The following CACNA1D variants were observed in gnomAD, a reference collection of about 807,000 sequenced individuals.
The protein encoded by CACNA1D is calcium voltage-gated channel subunit alpha1 D.
In CACNA1D, 55 loss-of-function variants were observed where a neutral mutation model predicts 257.1. That is an observed-to-expected ratio of 0.21 (90% CI 0.17 to 0.27). The LOEUF (loss-of-function observed/expected upper bound fraction) is 0.27, where lower values mean the gene tolerates loss of function less well. Ranked by LOEUF, CACNA1D falls within the 10% of genes least tolerant of loss-of-function variation. The pLI is 1.00. For missense variants in CACNA1D, 1,876 were observed against 2,784.0 expected, an observed-to-expected ratio of 0.67 and a Z score of 7.34; for synonymous variants, 980 against 1,014.9, an observed-to-expected ratio of 0.97 and a Z score of 0.65.
intron 14 of CACNA1D, among the ~76,000 whole-genome samples, chr3:53,725,738 G>A (rs1033724447): frequency 6.6e-6 from 1 of 152,176 alleles, no homozygotes; most frequent in Non-Finnish European, 1.5e-5. Flanking sequence ...TGCCTTTTCT[G>A]TGAATTACTT....
chr3:53,536,584 C>A (rs533235090), intron 3 of CACNA1D, among the ~76,000 whole-genome samples: 2 of 152,240 alleles, frequency 1.3e-5, no homozygotes, highest in African/African-American at 4.8e-5. Flanking sequence ...ACACGGCCCC[C>A]GGGCCAACAC....
intron 29 of CACNA1D, among the ~76,000 whole-genome samples, chr3:53,759,221 C>T (rs1365300571): frequency 6.6e-6 from 1 of 152,204 alleles, no homozygotes; most frequent in Non-Finnish European, 1.5e-5. Flanking sequence ...TATTAAGCCC[C>T]TATTGTGTTG....
chr3:53,724,334 C>T (rs1244066955), intron 14 of CACNA1D, among the ~76,000 whole-genome samples: 1 of 152,160 alleles, frequency 6.6e-6, no homozygotes, highest in African/African-American at 2.4e-5. Flanking sequence ...ATTCTTTTCT[C>T]TTTGGTACTT....
chr3:53,579,781 C>T (rs139707111), intron 3 of CACNA1D, among the ~76,000 whole-genome samples: 188 of 152,298 alleles, frequency 1.2e-3, no homozygotes, highest in African/African-American at 4.0e-3. Flanking sequence ...GTGATCCCCT[C>T]CTACTGTGCA....
At chr3:53,528,574 C>G (rs956546997) in intron 3 of CACNA1D, among the ~76,000 whole-genome samples, 35 of 152,038 alleles carry the variant, frequency 2.3e-4, no homozygotes, top group Non-Finnish European at 4.7e-4. Flanking sequence ...ATAAAACAGC[C>G]TTCTGGGGTT....
At chr3:53,538,241 C>T (rs1041502050) in intron 3 of CACNA1D, among the ~76,000 whole-genome samples, 7 of 148,558 alleles carry the variant, frequency 4.7e-5, no homozygotes, top group African/African-American at 1.8e-4. Flanking sequence ...TCTGCCTCCA[C>T]AGTTCAAGCG....
intron 4 of CACNA1D, among the ~76,000 whole-genome samples, chr3:53,655,301 A>T (rs974142853): frequency 3.9e-5 from 6 of 152,180 alleles, no homozygotes; most frequent in Admixed American, 1.3e-4. Flanking sequence ...TCTTTATGGT[A>T]GAATGGTTTA....
At chr3:53,734,398 T>A (rs1459501239) in intron 19 of CACNA1D, among the ~76,000 whole-genome samples, 1 of 152,056 alleles carries the variant, frequency 6.6e-6, no homozygotes, top group African/African-American at 2.4e-5. Flanking sequence ...ACACATATAC[T>A]TTACAATTTA....
chr3:53,511,646 A>G lies in CACNA1D; in HGVS notation c.483+9926A>G, dbSNP rs115369843. On this transcript the variant is annotated intron_variant, in intron 3 of 47. Coordinates refer to ENST00000350061, the MANE Select transcript of CACNA1D (RefSeq NM_001128840.3). ...AAATGGAAGTACTTCTCATTTCTAT[A>G]AAAACGCTGCTTTTTGATTATATAA... is the stretch of plus-strand genomic sequence containing the variant. 4.6e-3 allele frequency among the ~76,000 whole-genome samples: 707 copies of G among 152,336 alleles called. 10 individuals carry two copies. Among genetic ancestry groups the G allele is most frequent in the African/African-American group, 0.016 (666 of 41,566 alleles).
chr3:53,526,412 G>A (rs2091767602), intron 3 of CACNA1D, among the ~76,000 whole-genome samples: 1 of 151,944 alleles, frequency 6.6e-6, no homozygotes, highest in Admixed American at 6.6e-5. Context: ...TCCAGTATGA[G>A]TACAGCATCT....
intron 9 of CACNA1D, among the ~76,000 whole-genome samples, chr3:53,716,561 A>T (rs1250360719): frequency 2.3e-5 from 3 of 132,132 alleles, no homozygotes; most frequent in Non-Finnish European, 3.2e-5. Flanking sequence ...TTAGAGTCGT[A>T]TTTTTTGTTT....
In CACNA1D at chr3:53,751,945, A is replaced by G. The variant is rs1292300640; in HGVS notation, c.3675+38A>G. On this transcript the variant is annotated intron_variant, in intron 28 of 47. Coordinates refer to ENST00000350061, the MANE Select transcript of CACNA1D (RefSeq NM_001128840.3). This position sits in a 1 kb window ranked among gnomAD's most constrained non-coding sequence, Gnocchi z 4.3. ...ACAGCCGTGGGGATCAGGTCCGGGC[A>G]TTCCGCACAGCCCCGTGCCCCAAAT... The G allele has an allele frequency of 8.7e-6, 14 of 1,603,700 alleles. No individual in the cohort carries two copies. Among genetic ancestry groups the G allele is most frequent in the Admixed American group, 1.7e-5 (1 of 60,008 alleles).
rs542956262 is a variant in CACNA1D at position 53,803,408 on chromosome 3, C to G, written c.5436-15C>G. The G allele has an allele frequency of 9.3e-6, 15 of 1,614,130 alleles. No homozygotes were observed. Among genetic ancestry groups the G allele is most frequent in the Non-Finnish European group, 1.3e-5 (15 of 1,179,992 alleles). On this transcript the variant is annotated splice_polypyrimidine_tract_variant and intron_variant, in intron 43 of 47. Transcript: ENST00000350061. ...CCGCCTGCCCAGGTTCTCAGATCCT[C>G]TCTCCCAACTGCAGGTCCGACTCAG...
chr3:53,651,668 T>TCTTTGGAC (rs1427625588), intron 4 of CACNA1D, among the ~76,000 whole-genome samples: 10 of 152,210 alleles, frequency 6.6e-5, no homozygotes, highest in Admixed American at 6.5e-4. Context: ...GAATGCTGGG[T>TCTTTGGAC]CTTTGGACCA....
intron 3 of CACNA1D, among the ~76,000 whole-genome samples, chr3:53,563,350 C>T (rs1197364809): frequency 6.6e-6 from 1 of 151,988 alleles, no homozygotes; most frequent in African/African-American, 2.4e-5. Context: ...ATGATGAAAC[C>T]CCATCTCTAC....
chr3:53,728,395 TC>T (rs1007496054), intron 15 of CACNA1D, among the ~76,000 whole-genome samples: 3 of 152,158 alleles, frequency 2.0e-5, no homozygotes, highest in African/African-American at 7.2e-5. Context: ...CGCCTTGGCC[TC>T]CCAAAGTGCT....
At chr3:53,735,161 G>T (rs774452036) in intron 19 of CACNA1D, among the ~76,000 whole-genome samples, 4 of 152,218 alleles carry the variant, frequency 2.6e-5, no homozygotes, top group Admixed American at 6.5e-5. Context: ...CCAGCACAGA[G>T]GTGACACACC....
At chr3:53,740,778 CAT>C (rs2095109893) in intron 21 of CACNA1D, among the ~76,000 whole-genome samples, 1 of 152,128 alleles carries the variant, frequency 6.6e-6, no homozygotes, top group Non-Finnish European at 1.5e-5. Flanking sequence ...ACTGATAACA[CAT>C]ATATCTCTAT....
intron 20 of CACNA1D, among the ~76,000 whole-genome samples, chr3:53,739,099 G>C (rs113693612): frequency 1.6e-4 from 24 of 152,290 alleles, no homozygotes; most frequent in Admixed American, 1.1e-3. Context: ...AGAGGTCCTC[G>C]CATTATTGTG....
Sources: allele counts gnomAD v4.1 joint callset (sites outside exome capture counted in the v4.1 genomes callset), GRCh38; gene constraint gnomAD v4.1.1; non-coding constraint Gnocchi (gnomAD v3.1); transcripts MANE v1.5; gene names NCBI Gene and HGNC (gene_info 2026-07-23, HGNC 2026-07-21).